ARID1B: variants seen among roughly 807,000 people sequenced by gnomAD.
ARID1B encodes AT-rich interactive domain-containing protein 1B.
In ARID1B, 30 loss-of-function variants were observed where a neutral mutation model predicts 212.3. The ratio of observed to expected loss-of-function variants is 0.14; its 90% CI spans 0.11 to 0.19. The LOEUF (loss-of-function observed/expected upper bound fraction) is 0.19. Ranked by LOEUF, ARID1B falls within the 10% of genes least tolerant of loss-of-function variation. The pLI, the probability that ARID1B is intolerant of heterozygous loss-of-function variation, is 1.00. For missense variants in ARID1B, 2,891 were observed against 3,204.0 expected (o/e 0.90, Z 2.36); for synonymous variants, 1,402 against 1,301.7 (o/e 1.08, Z -1.66).
At chr6:157,104,605 A>G (rs894199083) in intron 5 of ARID1B, among the ~76,000 whole-genome samples, 4 of 152,224 alleles carry the variant, frequency 2.6e-5, no homozygotes, top group Non-Finnish European at 5.9e-5. Context: ...CACAAACAAT[A>G]AACAGTTAAA....
Position 157,201,565 on chromosome 6 carries a change from T to A in ARID1B, c.5263+77T>A. The A allele has an allele frequency of 7.0e-7, 1 of 1,434,724 alleles. No individual in the cohort carries two copies. Among genetic ancestry groups the A allele is most frequent in the Non-Finnish European group, 9.3e-7 (1 of 1,080,064 alleles). The allele number at this position is 1,434,724 out of a possible 1,614,324, so 88.9% of individuals were successfully genotyped here. On this transcript the variant is annotated intron_variant, in intron 18 of 19. Coordinates refer to ENST00000636930, the MANE Select transcript of ARID1B (RefSeq NM_001374828.1). This position sits in a 1 kb window ranked among gnomAD's most constrained non-coding sequence, Gnocchi z 5.2. ...ATTTTAATTTTAGTAAAGATGCTGT[T>A]CCTGCTCATCTTAAAGGGATGAAAA...
intron 5 of ARID1B, among the ~76,000 whole-genome samples, chr6:157,103,317 G>C (rs183864372): frequency 6.6e-6 from 1 of 151,932 alleles, no homozygotes; most frequent in Non-Finnish European, 1.5e-5. Flanking sequence ...AATATAGCGG[G>C]GAACCAAACA....
chr6:156,779,345 C>T lies in ARID1B; in HGVS notation c.1665C>T (p.Gly555=). The T allele has an allele frequency of 1.7e-6, 2 of 1,180,264 alleles. No individual in the cohort carries two copies. Among genetic ancestry groups the T allele is most frequent in the African/African-American group, 1.6e-5 (1 of 61,216 alleles). 73.1% of individuals were successfully genotyped at this position (1,180,264 alleles called of 1,614,324 possible). Residue 555 remains glycine (G), a synonymous_variant, in exon 1 of 20, where the codon GGC becomes GGT. Transcript: ENST00000636930. ...CGGGCGGCCAGCAGGCGGCCGCGGGCATGGGCTTGGGCAAGGACATGGGCG... is the reference window on the plus strand; with the variant it reads ...CGGGCGGCCAGCAGGCGGCCGCGGGTATGGGCTTGGGCAAGGACATGGGCG... The part of the protein sequence containing the change: ...AAAGGQQAAA[G]MGLGKDMGAQ...
intron 8 of ARID1B, chr6:157,151,614 T>C (rs1790203046): frequency 6.6e-6 from 1 of 152,204 alleles, no homozygotes; most frequent in Non-Finnish European, 1.5e-5. Context: ...CTGTGTAATA[T>C]CAGGTTCTGT....
At chr6:156,937,271 G>A (rs1031625535) in intron 4 of ARID1B, 2 of 152,184 alleles carry the variant, frequency 1.3e-5, no homozygotes, top group Non-Finnish European at 2.9e-5. Flanking sequence ...CATTTGCCAA[G>A]TATTTGGAAA....
At chr6:157,040,303 G>T (rs116508086) in intron 4 of ARID1B, among the ~76,000 whole-genome samples, 293 of 152,288 alleles carry the variant, frequency 1.9e-3, no homozygotes, top group African/African-American at 6.7e-3. Flanking sequence ...TTCACAATTG[G>T]TGTTTCTTCC....
chr6:156,811,325 C>G (rs1210549707), intron 1 of ARID1B, among the ~76,000 whole-genome samples: 1 of 152,180 alleles, frequency 6.6e-6, no homozygotes, highest in African/African-American at 2.4e-5. Flanking sequence ...GAGAGGATTA[C>G]ACAGAAGTGT....
At chr6:156,864,137 A>G (rs922684511) in intron 2 of ARID1B, among the ~76,000 whole-genome samples, 4 of 152,246 alleles carry the variant, frequency 2.6e-5, no homozygotes, top group Non-Finnish European at 4.4e-5. Context: ...CTAGTTTTAT[A>G]TTTTCTTAAA....
chr6:156,779,927 G>T (rs117079245), intron 1 of ARID1B, among the ~76,000 whole-genome samples: 5,231 of 152,276 alleles, frequency 0.034, 127 homozygotes, highest in South Asian at 0.092. Flanking sequence ...GAAAGAATGA[G>T]GAACTTTCTC....
rs116125125 is a variant in ARID1B at position 156,861,397 on chromosome 6, C to T, written c.1986+31976C>T. Among the ~76,000 whole-genome samples the T allele has an allele frequency of 3.2e-3, 490 of 152,092 alleles. 2 individuals are homozygous for T. Among genetic ancestry groups the T allele is most frequent in the African/African-American group, 0.011 (465 of 41,498 alleles). ...CGGTGAATTGCTGGACACAGGATTT[C>T]GAGGAATTCGAGAGCAGCCTGGGCA... On this transcript the variant is annotated intron_variant, in intron 2 of 19. Coordinates refer to ENST00000636930, the MANE Select transcript of ARID1B (RefSeq NM_001374828.1).
At chr6:156,812,158 G>A (rs570247137) in intron 1 of ARID1B, among the ~76,000 whole-genome samples, 11 of 152,236 alleles carry the variant, frequency 7.2e-5, no homozygotes, top group Admixed American at 5.9e-4. Context: ...TTGAAACAGG[G>A]TCTTCCTTTG....
intron 3 of ARID1B, among the ~76,000 whole-genome samples, chr6:156,925,945 C>T (rs1007430405): frequency 4.6e-5 from 7 of 152,174 alleles, no homozygotes; most frequent in African/African-American, 1.4e-4. Flanking sequence ...AGGCCATTGC[C>T]ACCCAGTATG....
chr6:157,017,552 T>A (rs994125953), intron 4 of ARID1B, among the ~76,000 whole-genome samples: 1 of 152,234 alleles, frequency 6.6e-6, no homozygotes, highest in African/African-American at 2.4e-5. Flanking sequence ...AGTTAGCATC[T>A]TTCTTTAGGA....
At chr6:157,136,570 A>T (rs796879953) in intron 7 of ARID1B, among the ~76,000 whole-genome samples, 14 of 152,332 alleles carry the variant, frequency 9.2e-5, no homozygotes, top group Middle Eastern at 3.4e-3. Flanking sequence ...CATATATATA[A>T]AAAATTACTG....
chr6:157,039,322 C>CTTTCTTTTTTTTTTT (rs1781547108), intron 4 of ARID1B, among the ~76,000 whole-genome samples: 1 of 102,976 alleles, frequency 9.7e-6, no homozygotes, highest in Non-Finnish European at 2.0e-5. Flanking sequence ...TTTGACATTT[C>CTTTCTTTTTTTTTTT]TTTTTTTTTT....
At chr6:156,836,074 C>G (rs1238775635) in intron 2 of ARID1B, among the ~76,000 whole-genome samples, 1 of 152,088 alleles carries the variant, frequency 6.6e-6, no homozygotes, top group East Asian at 1.9e-4. Flanking sequence ...GTTAATAATT[C>G]AAATAAAGGT....
chr6:157,067,712 CAG>C (rs1783760313), intron 4 of ARID1B, among the ~76,000 whole-genome samples: 1 of 152,200 alleles, frequency 6.6e-6, no homozygotes. Context: ...TTTATTCACA[CAG>C]AAAGTATTAT....
At chr6:156,931,823 A>G (rs1031118636) in intron 3 of ARID1B, among the ~76,000 whole-genome samples, 2 of 151,772 alleles carry the variant, frequency 1.3e-5, no homozygotes, top group Non-Finnish European at 2.9e-5. Context: ...TTAGCAAGGC[A>G]TGGTGGCGCA....
At chr6:157,100,617 G>A (rs1257176860) in intron 5 of ARID1B, among the ~76,000 whole-genome samples, 1 of 152,140 alleles carries the variant, frequency 6.6e-6, no homozygotes, top group Non-Finnish European at 1.5e-5. Context: ...TTGAATGTAT[G>A]GATTATCAAA....
Sources: gnomAD v4.1 joint callset for allele counts (sites outside exome capture counted in the v4.1 genomes callset) on GRCh38, gnomAD v4.1.1 for gene constraint, Gnocchi (gnomAD v3.1) non-coding constraint, MANE v1.5 for transcripts, NCBI Gene and HGNC (gene_info 2026-07-23, HGNC 2026-07-21) for gene names.